Variants in DLGAP2 observed in about 807,000 individuals in gnomAD.
DLGAP2 encodes disks large-associated protein 2.
A neutral mutation model predicts 100.3 loss-of-function variants in DLGAP2; 26 were observed. That is an observed-to-expected ratio of 0.26 (90% CI 0.19 to 0.36). The LOEUF is 0.36. Among genes scored for constraint, DLGAP2 ranks in the 10% least tolerant of loss-of-function variants. The probability of loss-of-function intolerance (pLI) is 1.00; values close to 1 mark genes in which losing one functional copy is unlikely to be tolerated. For synonymous variants in DLGAP2, 886 were observed against 630.1 expected, an observed-to-expected ratio of 1.41 and a Z score of -6.08; for missense variants, 1,858 against 1,453.2, an observed-to-expected ratio of 1.28 and a Z score of -4.53.
intron 1 of DLGAP2, among the ~76,000 whole-genome samples, chr8:836,781 A>G (rs1796885766): frequency 6.6e-6 from 1 of 152,176 alleles, no homozygotes; most frequent in Non-Finnish European, 1.5e-5. Context: ...CAAGCTGCTT[A>G]TTTAAAGATG....
At position 1,701,428 on chromosome 8, in the gene DLGAP2, C is replaced by A; in HGVS notation, c.*22C>A. ...CTGAGGGCGGAGGCCGGCGCCTTCC[C>A]CTCGTCGCTTCCGCTTTCCCGGACG... On this transcript the variant is annotated 3_prime_UTR_variant, in exon 15 of 15. Transcript: ENST00000637795. 1 of 1,559,182 alleles carries A rather than the reference C, an allele frequency of 6.4e-7. No individual in the cohort carries two copies.
intron 1 of DLGAP2, chr8:822,142 GGCTGCT>G: frequency 2.5e-6 from 1 of 399,612 alleles, no homozygotes. Flanking sequence ...CTTCCCTCGC[GGCTGCT>G]AACCCTCTGC....
chr8:771,665 G>A (rs868063497), intron 1 of DLGAP2, among the ~76,000 whole-genome samples: 8 of 152,232 alleles, frequency 5.3e-5, no homozygotes, highest in African/African-American at 1.4e-4. Context: ...ACCCAGAGAC[G>A]CATTGAACAC....
At chr8:1,146,438 A>G (rs187748435) in intron 2 of DLGAP2, among the ~76,000 whole-genome samples, 1 of 152,322 alleles carries the variant, frequency 6.6e-6, no homozygotes, top group Admixed American at 6.5e-5. Flanking sequence ...TTTGATGATC[A>G]GAGGTTCTTA....
At chr8:1,159,505 G>A (rs1326756334) in intron 2 of DLGAP2, among the ~76,000 whole-genome samples, 1 of 152,172 alleles carries the variant, frequency 6.6e-6, no homozygotes, top group Non-Finnish European at 1.5e-5. Context: ...TTGGTTTATG[G>A]AGACACTGGA....
chr8:1,542,470 T>A (rs960994313), intron 4 of DLGAP2, among the ~76,000 whole-genome samples: 1 of 152,238 alleles, frequency 6.6e-6, no homozygotes, highest in Non-Finnish European at 1.5e-5. Context: ...TTCTGCACAC[T>A]TCATATGAAT....
intron 2 of DLGAP2, among the ~76,000 whole-genome samples, chr8:1,236,252 TATCTCACATGGTGCCGTTTCTAG>T (rs1182470976): frequency 5.9e-5 from 4 of 67,256 alleles, no homozygotes; most frequent in Non-Finnish European, 1.2e-4. Context: ...CATGTCTAGT[TATCTCACATGGTGCCGTTTCTAG>T]TTCTCTCACA....
At chr8:873,804 G>T (rs976022099) in intron 1 of DLGAP2, among the ~76,000 whole-genome samples, 1 of 152,152 alleles carries the variant, frequency 6.6e-6, no homozygotes, top group African/African-American at 2.4e-5. Context: ...CTTAGTTAAG[G>T]TTTGTTTTGA....
At chr8:1,157,270 G>A (rs1408399778) in intron 2 of DLGAP2, among the ~76,000 whole-genome samples, 3 of 152,110 alleles carry the variant, frequency 2.0e-5, no homozygotes, top group Non-Finnish European at 4.4e-5. Flanking sequence ...ATGTCCTCTC[G>A]TGGCACAGAT....
chr8:1,360,037 C>T (rs894074248), intron 3 of DLGAP2, among the ~76,000 whole-genome samples: 2 of 152,070 alleles, frequency 1.3e-5, no homozygotes, highest in African/African-American at 2.4e-5. Context: ...AGGACCATCG[C>T]GAGCCACTTT....
At chr8:1,233,158 G>T (rs898691490) in intron 2 of DLGAP2, among the ~76,000 whole-genome samples, 1 of 152,164 alleles carries the variant, frequency 6.6e-6, no homozygotes, top group African/African-American at 2.4e-5. Flanking sequence ...ACATTCCATT[G>T]TTTGGATATA....
chr8:794,182 T>G (rs1209428247), intron 1 of DLGAP2, among the ~76,000 whole-genome samples: 5 of 152,030 alleles, frequency 3.3e-5, no homozygotes, highest in African/African-American at 9.7e-5. Context: ...ATGAGCTGTT[T>G]GCTGGCCTGT....
intron 3 of DLGAP2, among the ~76,000 whole-genome samples, chr8:1,426,232 G>A (rs1307289941): frequency 6.6e-6 from 1 of 152,196 alleles, no homozygotes; most frequent in South Asian, 2.1e-4. Flanking sequence ...GATGAGAACA[G>A]AGGCAGATGT....
intron 1 of DLGAP2, among the ~76,000 whole-genome samples, chr8:824,991 G>A (rs921047427): frequency 2.6e-5 from 4 of 152,158 alleles, no homozygotes; most frequent in Admixed American, 2.6e-4. Context: ...TCTTTGGAGC[G>A]ATGTCTTCTG....
At chr8:1,517,666 G>A (rs970160563) in intron 4 of DLGAP2, among the ~76,000 whole-genome samples, 8 of 152,194 alleles carry the variant, frequency 5.3e-5, no homozygotes, top group Admixed American at 1.3e-4. Context: ...AGGGCCTCCC[G>A]TTTCTGGCTA....
intron 2 of DLGAP2, among the ~76,000 whole-genome samples, chr8:1,088,214 C>T (rs1483404105): frequency 6.6e-6 from 1 of 152,208 alleles, no homozygotes; most frequent in Non-Finnish European, 1.5e-5. Context: ...GTCCTGGTAG[C>T]CAATATTCAT....
chr8:1,537,075 GTGGTA>G (rs1801177789), intron 4 of DLGAP2, among the ~76,000 whole-genome samples: 1 of 151,488 alleles, frequency 6.6e-6, no homozygotes, highest in Non-Finnish European at 1.5e-5. Context: ...TATGTGGTAT[GTGGTA>G]TGTGGTATGT....
intron 3 of DLGAP2, among the ~76,000 whole-genome samples, chr8:1,434,735 A>C (rs566229686): frequency 4.6e-5 from 7 of 152,300 alleles, no homozygotes; most frequent in African/African-American, 1.7e-4. Flanking sequence ...TTTGTCTTCC[A>C]AAGTGCTGGG....
chr8:1,225,916 C>T (rs999534741), intron 2 of DLGAP2, among the ~76,000 whole-genome samples: 2 of 152,128 alleles, frequency 1.3e-5, no homozygotes, highest in African/African-American at 2.4e-5. Context: ...ATCAAAACAT[C>T]ATGCTGTATG....
Sources: allele counts gnomAD v4.1 joint callset (sites outside exome capture counted in the v4.1 genomes callset), GRCh38; gene constraint gnomAD v4.1.1; transcripts MANE v1.5; gene names NCBI Gene and HGNC (gene_info 2026-07-23, HGNC 2026-07-21).